Variants in TAOK3 observed in about 807,000 individuals in gnomAD.
TAOK3 encodes serine/threonine-protein kinase TAO3.
Under a neutral mutation model 120.4 loss-of-function variants are expected in TAOK3, and 40 were observed. The ratio of observed to expected loss-of-function variants is 0.33; its 90% CI spans 0.26 to 0.43. TAOK3 has a LOEUF of 0.43. Among genes scored for constraint, TAOK3 ranks in the 20% least tolerant of loss-of-function variants. The pLI, the probability that TAOK3 is intolerant of heterozygous loss-of-function variation, is 1.00. For missense variants in TAOK3, 821 were observed against 1,112.1 expected (o/e 0.74, Z 3.72); for synonymous variants, 355 against 387.5 (o/e 0.92, Z 0.99).
intron 3 of TAOK3, chr12:118,246,267 C>T (rs2040497050): frequency 1.1e-5 from 17 of 1,499,762 alleles, no homozygotes; most frequent in Non-Finnish European, 1.5e-5. Flanking sequence ...GGAGTGGATG[C>T]CCGTCACCAA....
chr12:118,200,522 C>T (rs1047322628), intron 12 of TAOK3: 3 of 152,164 alleles, frequency 2.0e-5, no homozygotes, highest in Admixed American at 6.6e-5. Context: ...ATGAATTATA[C>T]AACTCCAGTA....
chr12:118,243,743 C>A (rs1292739160), intron 4 of TAOK3, among the ~76,000 whole-genome samples: 1 of 152,184 alleles, frequency 6.6e-6, no homozygotes, highest in Non-Finnish European at 1.5e-5. Flanking sequence ...GTGGCACGAT[C>A]TCGGCTCACT....
At chr12:118,196,098 A>AAATAAAT (rs1484488726) in intron 13 of TAOK3, among the ~76,000 whole-genome samples, 13 of 122,004 alleles carry the variant, frequency 1.1e-4, no homozygotes, top group South Asian at 2.9e-4. Flanking sequence ...AATAAATAAA[A>AAATAAAT]GGAAGTTTGG....
intron 1 of TAOK3, among the ~76,000 whole-genome samples, chr12:118,273,445 T>C (rs570276257): frequency 6.6e-6 from 1 of 152,126 alleles, no homozygotes; most frequent in Admixed American, 6.5e-5. Context: ...GAGGTTGCAG[T>C]GAGCCGAGAT....
intron 19 of TAOK3, chr12:118,159,939 T>C: frequency 1.7e-6 from 1 of 592,868 alleles, no homozygotes; most frequent in Non-Finnish European, 3.0e-6. Flanking sequence ...GGCATGTCAC[T>C]CCTTGAGTTC....
chr12:118,190,770 C>T lies in TAOK3; in HGVS notation c.1195-829G>A, dbSNP rs112261765. Among the ~76,000 whole-genome samples the T allele has an allele frequency of 5.5e-3, 834 of 152,282 alleles. 3 individuals carry two copies. Among genetic ancestry groups the T allele is most frequent in the African/African-American group, 0.019 (772 of 41,560 alleles). On this transcript the variant is annotated intron_variant, in intron 13 of 20. Coordinates refer to ENST00000392533, the MANE Select transcript of TAOK3 (RefSeq NM_016281.4). The stretch of plus-strand genomic sequence containing the variant: ...ACGTCCAGTGAAAAAATAGCATTCC[C>T]TGGAAGGATAATAATGGATGTTTCT...
intron 16 of TAOK3, among the ~76,000 whole-genome samples, chr12:118,175,598 G>T (rs2036274912): frequency 6.6e-6 from 1 of 151,976 alleles, no homozygotes; most frequent in Non-Finnish European, 1.5e-5. Context: ...TTGCACTCCA[G>T]CTTGGGCAAC....
chr12:118,349,879 A>G (rs1019416629), intron 1 of TAOK3, among the ~76,000 whole-genome samples: 2 of 152,218 alleles, frequency 1.3e-5, no homozygotes, highest in Non-Finnish European at 2.9e-5. Flanking sequence ...TCTAGGTTTC[A>G]GCCAAGTCAC....
intron 1 of TAOK3, among the ~76,000 whole-genome samples, chr12:118,324,568 G>T (rs1274748930): frequency 1.3e-5 from 2 of 151,324 alleles, no homozygotes; most frequent in East Asian, 1.9e-4. Flanking sequence ...TCCAGCCTCT[G>T]GTAACCATCA....
At chr12:118,347,383 A>G (rs1372697961) in intron 1 of TAOK3, among the ~76,000 whole-genome samples, 2 of 151,902 alleles carry the variant, frequency 1.3e-5, no homozygotes, top group Non-Finnish European at 2.9e-5. Context: ...TTTTTCTTCA[A>G]TCCGCAGTTG....
intron 3 of TAOK3, among the ~76,000 whole-genome samples, chr12:118,248,381 G>A (rs1028305405): frequency 2.0e-5 from 3 of 151,946 alleles, no homozygotes; most frequent in African/African-American, 7.2e-5. Flanking sequence ...AATGACTTTT[G>A]TTAAAAACAA....
intron 1 of TAOK3, among the ~76,000 whole-genome samples, chr12:118,361,129 A>G (rs1164515748): frequency 6.6e-6 from 1 of 152,202 alleles, no homozygotes; most frequent in Non-Finnish European, 1.5e-5. Context: ...TCGAAGCAAA[A>G]CAAGTGAAAT....
chr12:118,345,280 A>G (rs2044805178), intron 1 of TAOK3, among the ~76,000 whole-genome samples: 1 of 152,194 alleles, frequency 6.6e-6, no homozygotes, highest in African/African-American at 2.4e-5. Flanking sequence ...TAGTCTTCAA[A>G]ATGGACAAGA....
chr12:118,295,838 T>C (rs1365354115), intron 1 of TAOK3, among the ~76,000 whole-genome samples: 3 of 152,206 alleles, frequency 2.0e-5, no homozygotes, highest in Admixed American at 2.0e-4. Context: ...TTTCAAAATA[T>C]CTCACCCACA....
At position 118,166,705 on chromosome 12, in the gene TAOK3, C is replaced by T. The variant is rs1398754020; in HGVS notation, c.1900-4678G>A. Among the ~76,000 whole-genome samples the T allele has an allele frequency of 3.3e-5, 5 of 151,994 alleles. No individual in the cohort carries two copies. The East Asian group carries it at 9.7e-4, about 29-fold the overall frequency. Reference sequence around the variant, plus strand: ...ACACACTAGAGCCACATCATGTGCACCTTTAGCTTATACAAATTTAACAAA... The same window carrying T: ...ACACACTAGAGCCACATCATGTGCATCTTTAGCTTATACAAATTTAACAAA... On this transcript the variant is annotated intron_variant, in intron 17 of 20. Coordinates refer to ENST00000392533, the MANE Select transcript of TAOK3 (RefSeq NM_016281.4).
intron 1 of TAOK3, among the ~76,000 whole-genome samples, chr12:118,349,510 C>T (rs1364374229): frequency 2.0e-5 from 3 of 152,166 alleles, no homozygotes; most frequent in Non-Finnish European, 4.4e-5. Context: ...CACAAAAAGA[C>T]ACATATTGTC....
At chr12:118,202,199 C>T (rs1250722650) in intron 11 of TAOK3, among the ~76,000 whole-genome samples, 2 of 149,536 alleles carry the variant, frequency 1.3e-5, no homozygotes, top group Non-Finnish European at 3.0e-5. Flanking sequence ...AATATTCAGT[C>T]ATATATATTA....
intron 3 of TAOK3, chr12:118,246,404 G>T: frequency 2.6e-6 from 4 of 1,533,918 alleles, no homozygotes; most frequent in South Asian, 1.2e-5. Flanking sequence ...ATGAGGTTTT[G>T]AAGATTATGC....
At chr12:118,275,975 A>T (rs2041888596) in intron 1 of TAOK3, among the ~76,000 whole-genome samples, 1 of 152,116 alleles carries the variant, frequency 6.6e-6, no homozygotes, top group South Asian at 2.1e-4. Context: ...CCAGAAGGCC[A>T]GCGTGGGTAA....
Sources: allele counts gnomAD v4.1 joint callset (sites outside exome capture counted in the v4.1 genomes callset), GRCh38; gene constraint gnomAD v4.1.1; transcripts MANE v1.5; gene names NCBI Gene and HGNC (gene_info 2026-07-23, HGNC 2026-07-21).